SERGEF: variants seen among roughly 807,000 people sequenced by gnomAD.
The protein encoded by SERGEF is secretion regulating guanine nucleotide exchange factor.
SERGEF carries 51 observed loss-of-function variants against 50.0 expected under a neutral mutation model. That is an observed-to-expected ratio of 1.02 (90% CI 0.81 to 1.29). The LOEUF is 1.29. SERGEF is among the 50% of genes most tolerant of loss of function. SERGEF has a pLI of 0.00. For synonymous variants in SERGEF, 205 were observed against 212.4 expected (o/e 0.97, Z 0.30); for missense variants, 521 against 557.0 (o/e 0.94, Z 0.65).
chr11:17,945,189 T>C (rs1364128085), intron 9 of SERGEF, among the ~76,000 whole-genome samples: 1 of 152,268 alleles, frequency 6.6e-6, no homozygotes, highest in Non-Finnish European at 1.5e-5. Context: ...GCACAAACCA[T>C]CTTTTCTATA....
intron 10 of SERGEF, among the ~76,000 whole-genome samples, chr11:17,806,301 G>T (rs1027678151): frequency 2.0e-5 from 3 of 152,226 alleles, no homozygotes; most frequent in Non-Finnish European, 4.4e-5. Flanking sequence ...GAGCAAAGAT[G>T]AATACGATGG....
At chr11:17,996,504 C>T (rs747680141) in intron 5 of SERGEF, among the ~76,000 whole-genome samples, 1 of 152,172 alleles carries the variant, frequency 6.6e-6, no homozygotes, top group Non-Finnish European at 1.5e-5. Flanking sequence ...ATGATTTCAG[C>T]GGAATGGCCT....
intron 10 of SERGEF, among the ~76,000 whole-genome samples, chr11:17,821,019 A>G (rs909593463): frequency 9.2e-5 from 14 of 152,188 alleles, no homozygotes; most frequent in African/African-American, 3.4e-4. Context: ...TCTCTTCTTT[A>G]TAAGAGAAAG....
At chr11:17,994,291 G>A (rs1479485882) in intron 6 of SERGEF, among the ~76,000 whole-genome samples, 3 of 151,780 alleles carry the variant, frequency 2.0e-5, no homozygotes, top group Admixed American at 6.6e-5. Context: ...TGGTTAACAC[G>A]GTGAAAACCC....
At chr11:17,984,381 C>T (rs1189150866) in intron 8 of SERGEF, among the ~76,000 whole-genome samples, 2 of 152,082 alleles carry the variant, frequency 1.3e-5, no homozygotes, top group East Asian at 3.9e-4. Context: ...CGCAAGGCAG[C>T]AAGAGGGAAA....
intron 9 of SERGEF, chr11:17,926,714 G>A (rs779978782): frequency 5.5e-5 from 25 of 455,760 alleles, no homozygotes; most frequent in South Asian, 1.1e-4. Flanking sequence ...CTAATAAACC[G>A]TTTCACCAAG....
At chr11:17,913,446 A>C (rs1409079397) in intron 9 of SERGEF, among the ~76,000 whole-genome samples, 1 of 152,210 alleles carries the variant, frequency 6.6e-6, no homozygotes, top group Non-Finnish European at 1.5e-5. Flanking sequence ...AGAGCTTAAG[A>C]AATTAACAGC....
At chr11:17,904,155 T>C (rs1851797746) in intron 9 of SERGEF, among the ~76,000 whole-genome samples, 1 of 152,212 alleles carries the variant, frequency 6.6e-6, no homozygotes, top group Non-Finnish European at 1.5e-5. Flanking sequence ...GTTGATTTTG[T>C]ATCAGAGGGC....
At chr11:17,862,090 G>C (rs1850936509) in intron 10 of SERGEF, among the ~76,000 whole-genome samples, 1 of 152,018 alleles carries the variant, frequency 6.6e-6, no homozygotes, top group South Asian at 2.1e-4. Context: ...CTGTAGCCTT[G>C]TCTCCCACTG....
intron 10 of SERGEF, among the ~76,000 whole-genome samples, chr11:17,843,576 T>G (rs1189721089): frequency 6.6e-6 from 1 of 152,202 alleles, no homozygotes; most frequent in Admixed American, 6.5e-5. Flanking sequence ...CACTTACTGT[T>G]CTGAAGAAAT....
chr11:17,812,435 C>G (rs1457271132), intron 10 of SERGEF, among the ~76,000 whole-genome samples: 1 of 152,206 alleles, frequency 6.6e-6, no homozygotes, highest in East Asian at 1.9e-4. Flanking sequence ...TGCATCAAAT[C>G]TGACAAGCAA....
chr11:18,005,068 G>A (rs1854046355), intron 3 of SERGEF, among the ~76,000 whole-genome samples: 1 of 152,128 alleles, frequency 6.6e-6, no homozygotes, highest in Non-Finnish European at 1.5e-5. Flanking sequence ...AAGAATATTA[G>A]GACCACTGGC....
intron 10 of SERGEF, among the ~76,000 whole-genome samples, chr11:17,860,557 A>C (rs910756819): frequency 5.3e-5 from 8 of 152,358 alleles, no homozygotes; most frequent in Admixed American, 2.0e-4. Context: ...ATTGGACAAA[A>C]GAGTGGGAAA....
chr11:17,968,832 T>C (rs1370673961), intron 8 of SERGEF, among the ~76,000 whole-genome samples: 2 of 150,436 alleles, frequency 1.3e-5, no homozygotes, highest in Non-Finnish European at 3.0e-5. Flanking sequence ...TACAGAGAAA[T>C]AAAAAGTAGG....
intron 10 of SERGEF, 145 bp from the exon 11 acceptor site, chr11:17,788,558 A>C: frequency 3.1e-6 from 2 of 637,044 alleles, no homozygotes; most frequent in Non-Finnish European, 5.1e-6. Flanking sequence ...CATCCTCCCC[A>C]TCCCTACTTC....
chr11:17,880,514 A>G (rs1369243672), intron 9 of SERGEF, among the ~76,000 whole-genome samples: 2 of 152,244 alleles, frequency 1.3e-5, no homozygotes, highest in Non-Finnish European at 2.9e-5. Context: ...TAAAAATTGT[A>G]TATGTAATAT....
chr11:17,802,476 A>C (rs970556453), intron 10 of SERGEF, among the ~76,000 whole-genome samples: 4 of 152,308 alleles, frequency 2.6e-5, no homozygotes, highest in Admixed American at 2.6e-4. Context: ...CATTTGTCTC[A>C]GAGTGTGAAT....
intron 4 of SERGEF, among the ~76,000 whole-genome samples, chr11:18,002,981 A>T (rs1162261032): frequency 6.6e-6 from 1 of 152,170 alleles, no homozygotes; most frequent in Non-Finnish European, 1.5e-5. Flanking sequence ...AATTAAGCTA[A>T]ATTAATTATA....
chr11:17,830,123 T>G (rs1850267242), intron 10 of SERGEF, among the ~76,000 whole-genome samples: 2 of 152,212 alleles, frequency 1.3e-5, no homozygotes, highest in Admixed American at 1.3e-4. Context: ...TCTCTACCCA[T>G]CCTGGGGCCA....
Sources: gnomAD v4.1 joint callset for allele counts (sites outside exome capture counted in the v4.1 genomes callset) on GRCh38, gnomAD v4.1.1 for gene constraint, MANE v1.5 for transcripts, NCBI Gene and HGNC (gene_info 2026-07-23, HGNC 2026-07-21) for gene names.